The following SLC35F1 variants were observed in gnomAD, a reference collection of about 807,000 sequenced individuals.
SLC35F1 encodes the protein chromosome 6 open reading frame 169.
In SLC35F1, 14 loss-of-function variants were observed where a neutral mutation model predicts 48.7. The observed-to-expected ratio is 0.29, with a 90% CI of 0.19 to 0.45. SLC35F1 has a LOEUF of 0.45. Among genes scored for constraint, SLC35F1 ranks in the 20% least tolerant of loss-of-function variants. The pLI is 1.00. For missense variants in SLC35F1, 404 were observed against 500.0 expected, an observed-to-expected ratio of 0.81 and a Z score of 1.83; for synonymous variants, 190 against 202.2, an observed-to-expected ratio of 0.94 and a Z score of 0.51.
At chr6:118,165,625 T>C (rs1189327713) in intron 2 of SLC35F1, among the ~76,000 whole-genome samples, 1 of 152,206 alleles carries the variant, frequency 6.6e-6, no homozygotes, top group African/African-American at 2.4e-5. Flanking sequence ...TGAATATACA[T>C]GCCATACAGA....
intron 1 of SLC35F1, among the ~76,000 whole-genome samples, chr6:117,952,853 A>T: frequency 6.6e-6 from 1 of 152,202 alleles, no homozygotes; most frequent in African/African-American, 2.4e-5. Flanking sequence ...ATTTGGGGAA[A>T]AACTTTTGAA....
At chr6:118,099,760 G>C (rs1049389853) in intron 1 of SLC35F1, among the ~76,000 whole-genome samples, 12 of 152,132 alleles carry the variant, frequency 7.9e-5, no homozygotes, top group Non-Finnish European at 1.5e-4. Flanking sequence ...ATCCTGCATT[G>C]GGAGAAAATG....
chr6:118,227,298 T>G (rs1433376586), intron 2 of SLC35F1, among the ~76,000 whole-genome samples: 1 of 152,208 alleles, frequency 6.6e-6, no homozygotes, highest in Non-Finnish European at 1.5e-5. Context: ...TGTAGAAAAC[T>G]GCAACAGGTG....
At chr6:117,986,919 C>G (rs1054738237) in intron 1 of SLC35F1, among the ~76,000 whole-genome samples, 1 of 152,068 alleles carries the variant, frequency 6.6e-6, no homozygotes, top group African/African-American at 2.4e-5. Context: ...CAGGTGGGTG[C>G]TCATGATACA....
intron 7 of SLC35F1, among the ~76,000 whole-genome samples, chr6:118,293,830 G>A (rs182100198): frequency 2.2e-4 from 34 of 152,328 alleles, no homozygotes; most frequent in African/African-American, 7.9e-4. Context: ...AAGTCATGTG[G>A]AGAGAGAATA....
chr6:118,102,630 A>G (rs1428889944), intron 1 of SLC35F1, among the ~76,000 whole-genome samples: 5 of 152,234 alleles, frequency 3.3e-5, no homozygotes, highest in Non-Finnish European at 7.3e-5. Context: ...TTTGCTCTGA[A>G]ATCAGCCTCA....
intron 7 of SLC35F1, among the ~76,000 whole-genome samples, chr6:118,309,139 T>C (rs1441685865): frequency 6.6e-6 from 1 of 150,960 alleles, no homozygotes; most frequent in African/African-American, 2.4e-5. Flanking sequence ...AGAAGGCAGA[T>C]GGTATCAGGT....
chr6:117,937,154 A>G (rs767700987), intron 1 of SLC35F1, among the ~76,000 whole-genome samples: 4 of 152,210 alleles, frequency 2.6e-5, no homozygotes, highest in Admixed American at 2.0e-4. Flanking sequence ...CCAAATAAGT[A>G]GTAGAGTTGG....
chr6:118,152,126 C>T (rs1292180397), intron 1 of SLC35F1, among the ~76,000 whole-genome samples: 1 of 152,110 alleles, frequency 6.6e-6, no homozygotes, highest in Non-Finnish European at 1.5e-5. Context: ...GAACACTTCT[C>T]AAAGGGAGTG....
intron 1 of SLC35F1, among the ~76,000 whole-genome samples, chr6:118,082,775 G>C (rs1054089746): frequency 3.3e-5 from 5 of 152,132 alleles, no homozygotes; most frequent in African/African-American, 1.2e-4. Flanking sequence ...ACAGTCCCAA[G>C]CCTATTCCCT....
intron 2 of SLC35F1, among the ~76,000 whole-genome samples, chr6:118,189,586 T>A (rs1196159502): frequency 6.6e-6 from 1 of 152,238 alleles, no homozygotes; most frequent in Non-Finnish European, 1.5e-5. Flanking sequence ...ATTTTGTTGA[T>A]TGTATACTTT....
At chr6:117,984,622 G>A (rs897244189) in intron 1 of SLC35F1, among the ~76,000 whole-genome samples, 1 of 152,044 alleles carries the variant, frequency 6.6e-6, no homozygotes, top group Non-Finnish European at 1.5e-5. Flanking sequence ...GATTCTCTGT[G>A]GCTGGTTTTG....
At chr6:118,171,895 G>A (rs1774410033) in intron 2 of SLC35F1, among the ~76,000 whole-genome samples, 2 of 152,076 alleles carry the variant, frequency 1.3e-5, no homozygotes. Context: ...GCAAAAAAAG[G>A]GAAAACAAAT....
At chr6:118,009,896 G>C (rs567772947) in intron 1 of SLC35F1, among the ~76,000 whole-genome samples, 1 of 152,068 alleles carries the variant, frequency 6.6e-6, no homozygotes, top group Non-Finnish European at 1.5e-5. Context: ...CTGATGTCGA[G>C]TGTCCACCTT....
At position 118,160,955 on chromosome 6, in the gene SLC35F1, G is replaced by A. The variant is rs566416045; in HGVS notation, c.349+6335G>A. 8.0e-5 allele frequency among the ~76,000 whole-genome samples: 12 copies of A among 150,776 alleles called. No homozygotes were observed. The East Asian group carries it at 2.1e-3, about 27-fold the overall frequency. ...GTAGCCGAGGAAGCATTAATTAAGA[G>A]GTAATTGTTGTTTCTTCCAACTCAA... On this transcript the variant is annotated intron_variant, in intron 2 of 7. Coordinates refer to ENST00000360388, the MANE Select transcript of SLC35F1 (RefSeq NM_001029858.4).
intron 1 of SLC35F1, among the ~76,000 whole-genome samples, chr6:118,108,762 C>G (rs1773357913): frequency 6.6e-6 from 1 of 152,024 alleles, no homozygotes; most frequent in Admixed American, 6.6e-5. Flanking sequence ...CAAATACTCC[C>G]CTTTAAATTT....
chr6:117,959,659 G>T (rs1776469330), intron 1 of SLC35F1, among the ~76,000 whole-genome samples: 1 of 152,130 alleles, frequency 6.6e-6, no homozygotes, highest in Non-Finnish European at 1.5e-5. Flanking sequence ...ATAATGTGTG[G>T]ATTAAGAAAA....
intron 2 of SLC35F1, among the ~76,000 whole-genome samples, chr6:118,159,081 C>T (rs897438318): frequency 6.6e-6 from 1 of 151,608 alleles, no homozygotes; most frequent in Non-Finnish European, 1.5e-5. Flanking sequence ...ATTAGCTGGG[C>T]GTGGTGGCAG....
chr6:118,045,075 T>A (rs141073505), intron 1 of SLC35F1, among the ~76,000 whole-genome samples: 1 of 152,328 alleles, frequency 6.6e-6, no homozygotes, highest in African/African-American at 2.4e-5. Flanking sequence ...CATTTAAAAT[T>A]ATTTTGATAT....
Sources: allele counts gnomAD v4.1 joint callset (sites outside exome capture counted in the v4.1 genomes callset), GRCh38; gene constraint gnomAD v4.1.1; transcripts MANE v1.5; gene names NCBI Gene and HGNC (gene_info 2026-07-23, HGNC 2026-07-21).